The following DHX35 variants were observed in gnomAD, a reference collection of about 807,000 sequenced individuals.
DHX35 encodes the protein probable ATP-dependent RNA helicase DHX35.
DHX35 carries 84 observed loss-of-function variants against 99.6 expected under a neutral mutation model. The observed-to-expected ratio is 0.84, with a 90% CI of 0.71 to 1.01. The LOEUF (loss-of-function observed/expected upper bound fraction) is 1.01, where lower values mean the gene tolerates loss of function less well. Ranked by LOEUF, DHX35 falls within the 50% of genes least tolerant of loss-of-function variation. The pLI is 0.00. For missense variants in DHX35, 852 were observed against 888.5 expected (o/e 0.96, Z 0.52); for synonymous variants, 331 against 316.2 (o/e 1.05, Z -0.50).
intron 2 of DHX35, among the ~76,000 whole-genome samples, chr20:38,970,307 G>A (rs1389152830): frequency 6.6e-6 from 1 of 152,160 alleles, no homozygotes; most frequent in Non-Finnish European, 1.5e-5. Flanking sequence ...CAAACAGATA[G>A]GCAACAGCAG....
At chr20:39,022,106 A>G (rs1051668335) in intron 16 of DHX35, among the ~76,000 whole-genome samples, 171 bp downstream of exon 16, 1 of 152,226 alleles carries the variant, frequency 6.6e-6, no homozygotes, top group Admixed American at 6.5e-5. Flanking sequence ...TGCAGGCATC[A>G]TTCCACTTTA....
At chr20:38,963,876 G>C (rs1257685187) in intron 1 of DHX35, among the ~76,000 whole-genome samples, 1 of 152,228 alleles carries the variant, frequency 6.6e-6, no homozygotes, top group Non-Finnish European at 1.5e-5. Flanking sequence ...GAGTAAGGTG[G>C]TGGTAAAGAA....
intron 19 of DHX35, chr20:39,029,907 C>T (rs1252011573): frequency 2.6e-5 from 4 of 152,128 alleles, no homozygotes; most frequent in African/African-American, 9.7e-5. Context: ...AGCACTTCCC[C>T]CAAGAAACAG....
chr20:38,985,347 A>G (rs2086234129), intron 4 of DHX35, among the ~76,000 whole-genome samples: 1 of 141,344 alleles, frequency 7.1e-6, no homozygotes, highest in African/African-American at 2.7e-5. Context: ...TGATCGTGTC[A>G]TTGTACTCCA....
At chr20:38,993,612 G>A (rs2086375442) in intron 7 of DHX35, among the ~76,000 whole-genome samples, 1 of 151,882 alleles carries the variant, frequency 6.6e-6, no homozygotes, top group South Asian at 2.1e-4. Context: ...TGATCTGCCT[G>A]CCTCGGCCTC....
At chr20:39,030,616 T>C in intron 19 of DHX35, 88 bp from the exon 20 acceptor site, 2 of 1,274,330 alleles carry the variant, frequency 1.6e-6, no homozygotes, top group Non-Finnish European at 2.3e-6. Context: ...GTCTGCATGC[T>C]TTTTTGGTAA....
At chr20:38,972,109 A>G (rs1478780375) in intron 2 of DHX35, among the ~76,000 whole-genome samples, 2 of 147,742 alleles carry the variant, frequency 1.4e-5, no homozygotes, top group African/African-American at 5.0e-5. Flanking sequence ...GCCTGGGTTC[A>G]AGCAATTCTG....
At chr20:38,971,272 G>A (rs2085992267) in intron 2 of DHX35, among the ~76,000 whole-genome samples, 1 of 152,198 alleles carries the variant, frequency 6.6e-6, no homozygotes, top group South Asian at 2.1e-4. Flanking sequence ...GAGAACTCTT[G>A]AACCCGGGAG....
chr20:38,969,262 G>T, intron 2 of DHX35, 48 bp downstream of exon 2: 9 of 1,567,504 alleles, frequency 5.7e-6, no homozygotes, highest in Non-Finnish European at 7.8e-6. Context: ...TCGTGTGTCT[G>T]CATTAGCTTT....
intron 12 of DHX35, among the ~76,000 whole-genome samples, chr20:39,008,209 G>A (rs1429032668): frequency 6.6e-6 from 1 of 152,198 alleles, no homozygotes; most frequent in Non-Finnish European, 1.5e-5. Context: ...ATTGTAGCAT[G>A]TACTTCATTC....
At chr20:39,024,538 T>G (rs1255527257) in intron 17 of DHX35, among the ~76,000 whole-genome samples, 2 of 152,226 alleles carry the variant, frequency 1.3e-5, no homozygotes, top group African/African-American at 4.8e-5. Flanking sequence ...CAGTTAAAAT[T>G]CATTTGTACA....
At chr20:39,005,776 C>T (rs1004060114) in intron 11 of DHX35, among the ~76,000 whole-genome samples, 60 of 152,110 alleles carry the variant, frequency 3.9e-4, no homozygotes, top group Non-Finnish European at 8.8e-5. Flanking sequence ...ATGACTATAC[C>T]TGCGCAAGAT....
chr20:38,994,887 G>A lies in DHX35; in HGVS notation c.642+7G>A. The A allele has an allele frequency of 6.2e-7, 1 of 1,613,330 alleles. No individual in the cohort carries two copies. Among genetic ancestry groups the A allele is most frequent in the Non-Finnish European group, 8.5e-7 (1 of 1,179,360 alleles). The stretch of plus-strand genomic sequence containing the variant: ...AGCCACTCTGGATGCAGACGTAAGA[G>A]CCTTGCCTCCCCTTTCCTCCTCTCC... On this transcript the variant is annotated splice_region_variant and intron_variant, in intron 8 of 21. Transcript: ENST00000252011.
In DHX35 at chr20:39,038,706, A is replaced by G; in HGVS notation, c.*163A>G. On this transcript the variant is annotated 3_prime_UTR_variant, in exon 22 of 22. Coordinates refer to ENST00000252011, the MANE Select transcript of DHX35 (RefSeq NM_021931.4). ...TTAGTCCTTTCTTCCCGCTGCCCAC[A>G]GCATTTGCATCCTTGCTGGGATCCT... is the stretch of plus-strand genomic sequence containing the variant. The G allele has an allele frequency of 1.5e-6, 1 of 669,502 alleles. No homozygotes were observed. The highest frequency in any genetic ancestry group is 2.5e-6 in the Non-Finnish European group (1 of 394,844). The allele number at this position is 669,502 out of a possible 1,614,324, so 41.5% of individuals were successfully genotyped here.
Position 38,962,409 on chromosome 20 carries a change from T to A in DHX35, c.40+2T>A. ...GACCGGTGAAGTTCTGGCGACCCGG[T>A]AAGGCCCTTGGTGGAACGCTGGGCA... is the stretch of plus-strand genomic sequence containing the variant. On this transcript the variant is annotated splice_donor_variant, in intron 1 of 21. Transcript: ENST00000252011. LOFTEE classifies it high-confidence loss of function. 1 of 1,612,594 alleles carries A rather than the reference T, an allele frequency of 6.2e-7. No individual in the cohort carries two copies. The highest frequency in any genetic ancestry group is 8.5e-7 in the Non-Finnish European group (1 of 1,179,242).
intron 8 of DHX35, among the ~76,000 whole-genome samples, chr20:38,995,897 G>A (rs1482734884): frequency 6.6e-6 from 1 of 152,172 alleles, no homozygotes; most frequent in Non-Finnish European, 1.5e-5. Context: ...TGAGTTCATG[G>A]AGCTTCGAGT....
At chr20:39,007,294 T>G (rs887825811) in intron 12 of DHX35, among the ~76,000 whole-genome samples, 1 of 152,216 alleles carries the variant, frequency 6.6e-6, no homozygotes, top group African/African-American at 2.4e-5. Context: ...GTGCTAGAGC[T>G]TGGAGATCTG....
intron 10 of DHX35, 85 bp downstream of exon 10, chr20:39,002,953 T>C: frequency 5.2e-6 from 6 of 1,144,144 alleles, no homozygotes; most frequent in Non-Finnish European, 7.6e-6. Flanking sequence ...TACTCAGTCA[T>C]GTATTTCATG....
At chr20:38,997,105 G>C (rs1488274690) in intron 8 of DHX35, among the ~76,000 whole-genome samples, 1 of 151,222 alleles carries the variant, frequency 6.6e-6, no homozygotes, top group East Asian at 1.9e-4. Flanking sequence ...AAGTCTCACT[G>C]TCTTGCCCAG....
Sources: allele counts gnomAD v4.1 joint callset (sites outside exome capture counted in the v4.1 genomes callset), GRCh38; gene constraint gnomAD v4.1.1; transcripts MANE v1.5; gene names NCBI Gene and HGNC (gene_info 2026-07-23, HGNC 2026-07-21).